Variants in ANKRD36B observed in about 807,000 individuals in gnomAD.
ANKRD36B encodes ankyrin repeat domain 36B, also known as ankyrin repeat domain-containing protein 36B.
In ANKRD36B, 37 loss-of-function variants were observed where a neutral mutation model predicts 135.7. That is an observed-to-expected ratio of 0.27 (90% CI 0.21 to 0.36). The LOEUF is 0.36. Among genes scored for constraint, ANKRD36B ranks in the 10% least tolerant of loss-of-function variants. ANKRD36B has a pLI of 1.00. For missense variants in ANKRD36B, 549 were observed against 1,037.1 expected (o/e 0.53, Z 6.46); for synonymous variants, 179 against 348.1 (o/e 0.51, Z 5.41).
intron 6 of ANKRD36B, among the ~76,000 whole-genome samples, chr2:97,573,457 T>A (rs2082019700): frequency 6.6e-6 from 1 of 152,084 alleles, no homozygotes; most frequent in Non-Finnish European, 1.5e-5. Flanking sequence ...AAAATGGCCA[T>A]ACTGCCCAAG....
At position 97,531,336 on chromosome 2, in the gene ANKRD36B, C is replaced by T. The variant is rs2078585683; in HGVS notation, c.2265+975G>A. Reference sequence around the variant, plus strand: ...AAACCAAACACTGCATGCTCTCACTCATAGGTGGGAATTGAACAACGAGAA... The same window carrying T: ...AAACCAAACACTGCATGCTCTCACTTATAGGTGGGAATTGAACAACGAGAA... On this transcript the variant is annotated intron_variant, in intron 35 of 43. Coordinates refer to ENST00000359901, the MANE Select transcript of ANKRD36B (RefSeq NM_001393939.1). Among the ~76,000 whole-genome samples, 2 of 72,436 alleles carry T rather than the reference C, an allele frequency of 2.8e-5. 1 individual carries two copies. Among genetic ancestry groups the T allele is most frequent in the African/African-American group, 8.4e-5 (2 of 23,804 alleles). 47.5% of individuals were successfully genotyped at this position (72,436 alleles called of 152,430 possible). A position where few individuals can be genotyped will look rare whatever the true frequency, so the allele number is the denominator to read the frequency against.
At chr2:97,586,289 A>G (rs1408263242) in intron 1 of ANKRD36B, among the ~76,000 whole-genome samples, 1 of 152,182 alleles carries the variant, frequency 6.6e-6, no homozygotes, top group Non-Finnish European at 1.5e-5. Flanking sequence ...ACAGAATGTT[A>G]TGTAAATTAG....
chr2:97,552,121 AT>A (rs952508548), intron 16 of ANKRD36B, among the ~76,000 whole-genome samples: 3 of 151,900 alleles, frequency 2.0e-5, no homozygotes, highest in Non-Finnish European at 2.9e-5. Flanking sequence ...CCCTCTGAAA[AT>A]TTCTTCATCC....
In ANKRD36B at chr2:97,530,936, C is replaced by G. The variant is rs1418267176; in HGVS notation, c.2265+1375G>C. Among the ~76,000 whole-genome samples, 81 of 96,200 alleles carry G rather than the reference C, an allele frequency of 8.4e-4. 20 individuals are homozygous for G. The highest frequency in any genetic ancestry group is 2.2e-3 in the African/African-American group (72 of 32,224). The allele number at this position is 96,200 out of a possible 152,430, so 63.1% of individuals were successfully genotyped here. On this transcript the variant is annotated intron_variant, in intron 35 of 43. Coordinates refer to ENST00000359901, the MANE Select transcript of ANKRD36B (RefSeq NM_001393939.1). ...TGCTGGAGAGGATGTGGAGAAATAG[C>G]AACACTTTTACACTGTTGGTGGGAC...
chr2:97,558,297 AC>A (rs2080712794), intron 10 of ANKRD36B, among the ~76,000 whole-genome samples: 1 of 151,990 alleles, frequency 6.6e-6, no homozygotes, highest in East Asian at 1.9e-4. Context: ...CTCAGAAGAA[AC>A]CCCAAAATTA....
chr2:97,547,683 A>C lies in ANKRD36B; in HGVS notation c.1506+20T>G. 2 of 1,557,660 alleles carry C rather than the reference A, an allele frequency of 1.3e-6. No homozygotes were observed. The highest frequency in any genetic ancestry group is 1.7e-6 in the Non-Finnish European group (2 of 1,148,302). ...GACTATACATTTACTAGTTCACAAT[A>C]TAAATGACAGTTTCATTACCTTCAA... On this transcript the variant is annotated intron_variant, in intron 21 of 43. Transcript: ENST00000359901.
In ANKRD36B at chr2:97,532,691, C is replaced by T. The variant is rs1243868270; in HGVS notation, c.2192-307G>A. Among the ~76,000 whole-genome samples the T allele has an allele frequency of 1.2e-4, 10 of 85,598 alleles. 2 individuals carry two copies. The highest frequency in any genetic ancestry group is 1.0e-3 in the Admixed American group (10 of 9,666). 56.2% of individuals were successfully genotyped at this position (85,598 alleles called of 152,430 possible). ...TGAGCTGAAGATCTCACCACTGCAC[C>T]TCCAGCCTGGGTGGCAGAGCGAGAC... On this transcript the variant is annotated intron_variant, in intron 34 of 43. Transcript: ENST00000359901.
At chr2:97,553,115 A>G in intron 16 of ANKRD36B, 53 bp downstream of exon 16, 1 of 1,577,176 alleles carries the variant, frequency 6.3e-7, no homozygotes, top group South Asian at 1.1e-5. Context: ...GGGGTAGAGA[A>G]GTTCGTTTCT....
At chr2:97,563,154 T>C (rs4399766) in intron 6 of ANKRD36B, among the ~76,000 whole-genome samples, 73,103 of 151,782 alleles carry the variant, frequency 0.48, 21,205 homozygotes, top group Non-Finnish European at 0.66. Flanking sequence ...TTTTATTGAA[T>C]ATAACCTATT....
intron 6 of ANKRD36B, among the ~76,000 whole-genome samples, chr2:97,570,277 G>A (rs952682313): frequency 2.0e-4 from 31 of 152,222 alleles, no homozygotes; most frequent in African/African-American, 7.0e-4. Context: ...GAATTTTTAA[G>A]ACACCTAAAA....
chr2:97,555,494 T>C (rs2080435119), intron 12 of ANKRD36B, among the ~76,000 whole-genome samples: 1 of 151,866 alleles, frequency 6.6e-6, no homozygotes. Flanking sequence ...AAAACTAAAA[T>C]GAAACAGTGT....
chr2:97,573,750 C>T (rs564551719), intron 6 of ANKRD36B, among the ~76,000 whole-genome samples: 4 of 152,062 alleles, frequency 2.6e-5, no homozygotes, highest in Admixed American at 2.0e-4. Context: ...CTACAACTAT[C>T]GATCTTTGAC....
chr2:97,551,301 T>C lies in ANKRD36B; in HGVS notation c.1363A>G (p.Ile455Val), dbSNP rs1428505619. 1.9e-6 allele frequency: 3 copies of C among 1,564,690 alleles called. No individual in the cohort carries two copies. Among genetic ancestry groups the C allele is most frequent in the Non-Finnish European group, 2.6e-6 (3 of 1,158,348 alleles). The change falls in exon 18 of 44, where the codon ATA (isoleucine) becomes GTA (valine). Residue 455 changes from isoleucine to valine, a missense_variant. By Grantham distance (29) the Ile-to-Val change is conservative. Coordinates refer to ENST00000359901, the MANE Select transcript of ANKRD36B (RefSeq NM_001393939.1). The part of the protein sequence containing the change: ...NITREKKDGE[I>V]SRTVSSQKPP... ...TTCGCAAAATTACCTGTCCTAGATA[T>C]TTCTCCATCCTTTTTTTCTCTGGTT...
chr2:97,575,497 TC>T (rs1208077615), intron 6 of ANKRD36B, among the ~76,000 whole-genome samples: 1 of 151,306 alleles, frequency 6.6e-6, no homozygotes, highest in Non-Finnish European at 1.5e-5. Context: ...GATTTCTCTC[TC>T]CCCACTAATG....
chr2:97,572,873 T>C (rs2081971404), intron 6 of ANKRD36B, among the ~76,000 whole-genome samples: 1 of 151,680 alleles, frequency 6.6e-6, no homozygotes, highest in African/African-American at 2.4e-5. Flanking sequence ...CATGACATTA[T>C]ATAAAAGACG....
intron 6 of ANKRD36B, among the ~76,000 whole-genome samples, chr2:97,567,788 G>A (rs4069519): frequency 7.2e-5 from 11 of 152,184 alleles, no homozygotes; most frequent in East Asian, 1.9e-4. Flanking sequence ...TATGATATCT[G>A]CTCACTAGTC....
In ANKRD36B at chr2:97,529,726, G is replaced by C. The variant is rs1415231336; in HGVS notation, c.2265+2585C>G. Among the ~76,000 whole-genome samples, 40 of 94,774 alleles carry C rather than the reference G, an allele frequency of 4.2e-4. 5 individuals are homozygous for C. Among genetic ancestry groups the C allele is most frequent in the African/African-American group, 1.2e-3 (40 of 32,048 alleles). 62.2% of individuals were successfully genotyped at this position (94,774 alleles called of 152,430 possible). A position where few individuals can be genotyped will look rare whatever the true frequency, so the allele number is the denominator to read the frequency against. On this transcript the variant is annotated intron_variant, in intron 35 of 43. Coordinates refer to ENST00000359901, the MANE Select transcript of ANKRD36B (RefSeq NM_001393939.1). ...CAAAGTCTCAGGATACAAAATCAAT[G>C]TACAAAAATCACAAGCATTCTTATA...
intron 30 of ANKRD36B, among the ~76,000 whole-genome samples, chr2:97,539,124 A>G (rs2104518402): frequency 1.0e-5 from 1 of 97,288 alleles, no homozygotes; most frequent in Middle Eastern, 5.2e-3. Flanking sequence ...GATATGAATA[A>G]CCTTTTACAT....
chr2:97,573,749 T>A (rs1376976536), intron 6 of ANKRD36B, among the ~76,000 whole-genome samples: 1 of 152,128 alleles, frequency 6.6e-6, no homozygotes, highest in African/African-American at 2.4e-5. Context: ...TCTACAACTA[T>A]CGATCTTTGA....
Sources: allele counts gnomAD v4.1 joint callset (sites outside exome capture counted in the v4.1 genomes callset), GRCh38; gene constraint gnomAD v4.1.1; transcripts MANE v1.5; gene names NCBI Gene and HGNC (gene_info 2026-07-23, HGNC 2026-07-21).